Variants in TG observed in about 807,000 individuals in gnomAD.
TG encodes the protein thyroglobulin, also known as thyroid hormones.
A neutral mutation model predicts 324.7 loss-of-function variants in TG; 270 were observed. The ratio of observed to expected loss-of-function variants is 0.83; its 90% CI spans 0.75 to 0.92. The LOEUF is 0.92. Among genes scored for constraint, TG ranks in the 40% least tolerant of loss-of-function variants. The pLI, the probability that TG is intolerant of heterozygous loss-of-function variation, is 0.00. For synonymous variants in TG, 1,401 were observed against 1,327.0 expected (o/e 1.06, Z -1.21); for missense variants, 3,591 against 3,456.4 (o/e 1.04, Z -0.98).
chr8:132,893,906 C>A lies in TG; in HGVS notation c.2978C>A (p.Ala993Asp), dbSNP rs1374407411. The A allele has an allele frequency of 6.2e-7, 1 of 1,613,930 alleles. No homozygotes were observed. The highest frequency in any genetic ancestry group is 8.5e-7 in the Non-Finnish European group (1 of 1,179,968). The change falls in exon 11 of 48, where the codon GCC becomes GAC. Residue 993 changes from alanine (A) to aspartate (D), a missense_variant. By Grantham distance (126) the Ala-to-Asp change is moderately radical. Transcript: ENST00000220616. ...AEQFLRGSDY[A>D]IRLAAQSTLS... is the part of the protein sequence containing the mutation. Reference sequence around the variant, plus strand: ...CAGTTTCTGCGTGGGAGTGATTACGCCATTCGCCTGGCGGCTCAGTCTAGT... The same window carrying A: ...CAGTTTCTGCGTGGGAGTGATTACGACATTCGCCTGGCGGCTCAGTCTAGT...
At chr8:133,001,196 C>T (rs942979223) in intron 35 of TG, among the ~76,000 whole-genome samples, 7 of 150,904 alleles carry the variant, frequency 4.6e-5, no homozygotes, top group South Asian at 2.1e-4. Flanking sequence ...TGAGGACCTA[C>T]GGGTTAGGAC....
intron 35 of TG, among the ~76,000 whole-genome samples, chr8:132,990,194 C>T (rs542428987): frequency 1.8e-3 from 258 of 146,926 alleles, no homozygotes; most frequent in African/African-American, 6.4e-3. Context: ...TATACATGTA[C>T]GTATACACAC....
rs142451811 is a variant in TG at position 132,976,148 on chromosome 8, G to A, written c.6199+3407G>A. Among the ~76,000 whole-genome samples, 67 of 152,300 alleles carry A rather than the reference G, an allele frequency of 4.4e-4. 1 individual carries two copies. The East Asian group carries it at 0.013, about 29-fold the overall frequency. ...CGGAAACATGGGAGAAAGAAATTGT[G>A]CTTGGGAGGTGTCTTAGTCCGTTTT... is the stretch of plus-strand genomic sequence containing the variant. On this transcript the variant is annotated intron_variant, in intron 34 of 47. Coordinates refer to ENST00000220616, the MANE Select transcript of TG (RefSeq NM_003235.5).
intron 29 of TG, 90 bp from the exon 30 acceptor site, chr8:132,966,462 CTCTCTGTG>C: frequency 7.3e-7 from 1 of 1,362,578 alleles, no homozygotes; most frequent in Non-Finnish European, 1.0e-6. Context: ...CTCTGTCTCT[CTCTCTGTG>C]TGTGTGTGTG....
chr8:132,959,870 GT>G (rs1827500862), intron 27 of TG, among the ~76,000 whole-genome samples: 1 of 152,072 alleles, frequency 6.6e-6, no homozygotes. Context: ...TTTGTTTTAG[GT>G]TTTTAGTATT....
chr8:133,124,525 T>A (rs16904841), intron 45 of TG, among the ~76,000 whole-genome samples: 2,566 of 152,318 alleles, frequency 0.017, 69 homozygotes, highest in African/African-American at 0.059. Flanking sequence ...TTATTAGCTG[T>A]TTGCATTTAA....
In TG at chr8:133,050,859, G is replaced by A. The variant is rs1299842690; in HGVS notation, c.7239+20836G>A. On this transcript the variant is annotated intron_variant, in intron 41 of 47. Transcript: ENST00000220616. ...TTCTCCCCTCGGCGGAATATCGGGG[G>A]GCTGATGTCAGGAGACGGGTAGTCA... 4.3e-6 allele frequency: 7 copies of A among 1,613,808 alleles called. No homozygotes were observed. The highest frequency in any genetic ancestry group is 5.1e-6 in the Non-Finnish European group (6 of 1,179,802).
intron 41 of TG, among the ~76,000 whole-genome samples, chr8:133,067,868 A>AGGAAGGG: frequency 3.6e-5 from 1 of 27,872 alleles, no homozygotes; most frequent in African/African-American, 1.4e-4. Context: ...GAAAGAAAGA[A>AGGAAGGG]AGGAAGGAAG....
chr8:133,094,462 G>A (rs757803257), intron 41 of TG, among the ~76,000 whole-genome samples: 20 of 151,980 alleles, frequency 1.3e-4, no homozygotes, highest in African/African-American at 2.9e-4. Flanking sequence ...GGATGGTCTC[G>A]ATCTCCTGAC....
chr8:133,073,136 A>T (rs1468807784), intron 41 of TG: 1 of 152,198 alleles, frequency 6.6e-6, no homozygotes, highest in Non-Finnish European at 1.5e-5. Flanking sequence ...GGGCAAAGTG[A>T]CTTGTACAGA....
intron 43 of TG, 37 bp downstream of exon 43, chr8:133,096,410 G>A (rs771465966): frequency 7.4e-6 from 12 of 1,613,008 alleles, no homozygotes; most frequent in Non-Finnish European, 1.0e-5. Flanking sequence ...CTCCAGCTGG[G>A]CATTTCCTAA....
intron 32 of TG, among the ~76,000 whole-genome samples, 154 bp downstream of exon 32, chr8:132,969,723 C>A (rs915559996): frequency 6.6e-6 from 1 of 151,916 alleles, no homozygotes; most frequent in Non-Finnish European, 1.5e-5. Context: ...CTATCCTGAC[C>A]AACATGGTGA....
chr8:132,897,223 C>T (rs996051210), intron 11 of TG, among the ~76,000 whole-genome samples: 6 of 152,306 alleles, frequency 3.9e-5, no homozygotes, highest in South Asian at 4.1e-4. Flanking sequence ...TCTCAGTTTT[C>T]TCATCCATTA....
At chr8:132,937,983 G>A (rs528171208) in intron 25 of TG, among the ~76,000 whole-genome samples, 75 of 152,172 alleles carry the variant, frequency 4.9e-4, no homozygotes, top group Non-Finnish European at 8.4e-4. Flanking sequence ...TTCTAGACCC[G>A]GGTGGAGTGG....
intron 32 of TG, 81 bp downstream of exon 32, chr8:132,969,650 C>T: frequency 1.8e-6 from 2 of 1,102,168 alleles, no homozygotes; most frequent in Non-Finnish European, 2.8e-6. Flanking sequence ...CAGCTAAAAA[C>T]AGAAGCATAC....
chr8:132,989,276 T>C lies in TG; in HGVS notation c.6262+5864T>C, dbSNP rs370083116. Among the ~76,000 whole-genome samples, 36 of 152,344 alleles carry C rather than the reference T, an allele frequency of 2.4e-4. 1 individual carries two copies. In the South Asian group the frequency reaches 7.1e-3, roughly 30 times the overall value. On this transcript the variant is annotated intron_variant, in intron 35 of 47. Transcript: ENST00000220616. ...GAGCCAAATCATATCAAGATGCTAC[T>C]TAATTAAATTTACTATTTGGATTGA...
intron 35 of TG, among the ~76,000 whole-genome samples, chr8:133,007,360 A>G (rs1834105227): frequency 6.6e-6 from 1 of 151,928 alleles, no homozygotes. Flanking sequence ...GTTTCCATTG[A>G]GTGTGTAGAT....
intron 41 of TG, chr8:133,049,522 A>C (rs1840035056): frequency 6.9e-6 from 2 of 291,708 alleles, no homozygotes; most frequent in Non-Finnish European, 1.4e-5. Flanking sequence ...ATGCATAAAA[A>C]GCTTGTTCAC....
chr8:133,099,513 T>G (rs905832759), intron 43 of TG, among the ~76,000 whole-genome samples: 2 of 152,188 alleles, frequency 1.3e-5, no homozygotes, highest in African/African-American at 2.4e-5. Context: ...TCCTGGACTT[T>G]TCCCTTGAAC....
Sources: gnomAD v4.1 joint callset for allele counts (sites outside exome capture counted in the v4.1 genomes callset) on GRCh38, gnomAD v4.1.1 for gene constraint, MANE v1.5 for transcripts, NCBI Gene and HGNC (gene_info 2026-07-23, HGNC 2026-07-21) for gene names.